The following CSTPP1 variants were observed in gnomAD, a reference collection of about 807,000 sequenced individuals.
CSTPP1 encodes the protein UPF0705 protein C11orf49.
At chr11:47,009,202 G>A in the CSTPP1 span, among the ~76,000 whole-genome samples, 39 of 152,128 alleles carry the variant, frequency 2.6e-4, no homozygotes, top group Non-Finnish European at 4.6e-4. Flanking sequence ...ATTTGCCTTG[G>A]TGGCTCTCTG....
At chr11:47,153,291 G>A in the CSTPP1 span, among the ~76,000 whole-genome samples, 21 of 152,316 alleles carry the variant, frequency 1.4e-4, no homozygotes, top group South Asian at 3.7e-3. Context: ...GTGGCCCTCA[G>A]CGGCACTGCT....
the CSTPP1 span, chr11:47,164,101 G>C: frequency 1.2e-6 from 2 of 1,611,398 alleles, no homozygotes; most frequent in Admixed American, 3.4e-5. Flanking sequence ...AGGGTGGTGA[G>C]GTCGAAGCTG....
the CSTPP1 span, among the ~76,000 whole-genome samples, chr11:47,011,230 C>CA: frequency 6.6e-6 from 1 of 152,144 alleles, no homozygotes; most frequent in African/African-American, 2.4e-5. Flanking sequence ...ATTTAAAATA[C>CA]ATTTTTATTA....
chr11:47,149,419 G>C, the CSTPP1 span, among the ~76,000 whole-genome samples: 2 of 152,328 alleles, frequency 1.3e-5, no homozygotes, highest in South Asian at 4.1e-4. Flanking sequence ...CAGCACATGG[G>C]GATGACCTCG....
chr11:47,019,164 T>A, the CSTPP1 span, among the ~76,000 whole-genome samples: 18 of 152,216 alleles, frequency 1.2e-4, no homozygotes, highest in African/African-American at 4.3e-4. Context: ...TGAGCCATCA[T>A]GCCTGCCTAA....
chr11:47,074,942 AAGG>A, the CSTPP1 span, among the ~76,000 whole-genome samples: 3 of 152,222 alleles, frequency 2.0e-5, no homozygotes, highest in Admixed American at 6.5e-5. Flanking sequence ...CTAAAAGAAT[AAGG>A]AGAATATAGT....
At chr11:46,989,965 A>G in the CSTPP1 span, among the ~76,000 whole-genome samples, 1 of 152,122 alleles carries the variant, frequency 6.6e-6, no homozygotes, top group Non-Finnish European at 1.5e-5. Flanking sequence ...TGTTGCTACA[A>G]AGGACATGAT....
At chr11:46,972,878 C>T in the CSTPP1 span, among the ~76,000 whole-genome samples, 1 of 152,168 alleles carries the variant, frequency 6.6e-6, no homozygotes, top group Non-Finnish European at 1.5e-5. Flanking sequence ...CAATCATGAT[C>T]ATTTTAAACT....
At chr11:47,098,159 A>G in the CSTPP1 span, among the ~76,000 whole-genome samples, 1 of 122,072 alleles carries the variant, frequency 8.2e-6, no homozygotes, top group East Asian at 2.2e-4. Flanking sequence ...AATCAGGGAC[A>G]CAAACACTGC....
At chr11:47,107,995 G>A in the CSTPP1 span, among the ~76,000 whole-genome samples, 5 of 152,140 alleles carry the variant, frequency 3.3e-5, no homozygotes, top group South Asian at 4.1e-4. Context: ...GCGCATGTGC[G>A]CACACACACA....
At chr11:47,139,168 TC>T in the CSTPP1 span, among the ~76,000 whole-genome samples, 1 of 152,188 alleles carries the variant, frequency 6.6e-6, no homozygotes, top group African/African-American at 2.4e-5. Flanking sequence ...AACTGTTACT[TC>T]CCTTTAAAAT....
At chr11:47,054,872 A>C in the CSTPP1 span, among the ~76,000 whole-genome samples, 2 of 151,220 alleles carry the variant, frequency 1.3e-5, no homozygotes, top group African/African-American at 4.9e-5. Flanking sequence ...GGCTTGGGCC[A>C]CTGGGTAAGA....
the CSTPP1 span, among the ~76,000 whole-genome samples, chr11:46,965,860 G>C: frequency 6.6e-6 from 1 of 152,132 alleles, no homozygotes; most frequent in Non-Finnish European, 1.5e-5. Context: ...GAACTTTTCA[G>C]AGTCTTTTAT....
chr11:46,965,882 C>T, the CSTPP1 span, among the ~76,000 whole-genome samples: 3 of 152,166 alleles, frequency 2.0e-5, no homozygotes, highest in African/African-American at 4.8e-5. Context: ...TTAAAGTTCA[C>T]AGGTCTATGT....
the CSTPP1 span, among the ~76,000 whole-genome samples, chr11:47,005,679 A>G: frequency 1.2e-4 from 18 of 152,278 alleles, no homozygotes; most frequent in South Asian, 3.5e-3. Context: ...GGAATCAGAT[A>G]GGTCTATGTT....
At chr11:47,011,269 C>A in the CSTPP1 span, among the ~76,000 whole-genome samples, 1 of 152,030 alleles carries the variant, frequency 6.6e-6, no homozygotes, top group Non-Finnish European at 1.5e-5. Context: ...AGAAATATGC[C>A]AGATGGTAGA....
chr11:47,004,473 C>T, the CSTPP1 span: 1 of 152,084 alleles, frequency 6.6e-6, no homozygotes, highest in Non-Finnish European at 1.5e-5. Flanking sequence ...GCCACTGTAC[C>T]TGGCCTCTCT....
chr11:47,039,049 C>A, the CSTPP1 span, among the ~76,000 whole-genome samples: 1 of 125,134 alleles, frequency 8.0e-6, no homozygotes. Context: ...ACGCTCCTCA[C>A]TTTCCAGACT....
the CSTPP1 span, among the ~76,000 whole-genome samples, chr11:47,009,618 G>A: frequency 2.0e-5 from 3 of 152,076 alleles, no homozygotes; most frequent in East Asian, 3.9e-4. Flanking sequence ...CCAACATGGT[G>A]AAACCCCATT....
Sources: gnomAD v4.1 joint callset for allele counts (sites outside exome capture counted in the v4.1 genomes callset) on GRCh38, gnomAD v4.1.1 for gene constraint, MANE v1.5 for transcripts, NCBI Gene and HGNC (gene_info 2026-07-23, HGNC 2026-07-21) for gene names.